Variants in SOD2 observed in about 807,000 individuals in gnomAD.
SOD2 encodes the protein superoxide dismutase 2.
A neutral mutation model predicts 27.0 loss-of-function variants in SOD2; 11 were observed. The ratio of observed to expected loss-of-function variants is 0.41; its 90% CI spans 0.26 to 0.67. SOD2 has a LOEUF of 0.67. Ranked by LOEUF, SOD2 falls within the 30% of genes least tolerant of loss-of-function variation. The pLI is 0.34. For synonymous variants in SOD2, 105 were observed against 103.0 expected (o/e 1.02, Z -0.12); for missense variants, 250 against 274.5 (o/e 0.91, Z 0.63).
Position 159,677,052 on chromosome 6 carries a change from A to G in SOD2, c.*5441T>C, listed in dbSNP as rs1338492068. 2 of 152,234 alleles carry G rather than the reference A, an allele frequency of 1.3e-5. No individual in the cohort carries two copies. Among genetic ancestry groups the G allele is most frequent in the Non-Finnish European group, 2.9e-5 (2 of 68,044 alleles). The allele number at this position is 152,234 out of a possible 1,614,324, so 9.4% of individuals were successfully genotyped here. On this transcript the variant is annotated 3_prime_UTR_variant, in exon 5 of 5. Transcript: ENST00000538183. Reference sequence around the variant, plus strand: ...CCTTGGGGATACCCATATTTACAATATGATAAATACATTAAGTCACATTGT... The same window carrying G: ...CCTTGGGGATACCCATATTTACAATGTGATAAATACATTAAGTCACATTGT...
chr6:159,702,134 G>T (rs1777532116), intron 1 of SOD2, among the ~76,000 whole-genome samples: 1 of 152,098 alleles, frequency 6.6e-6, no homozygotes, highest in East Asian at 1.9e-4. Flanking sequence ...ACATACTTTA[G>T]ATTACATTCT....
At chr6:159,690,368 G>A (rs899001014) in intron 2 of SOD2, among the ~76,000 whole-genome samples, 1 of 151,888 alleles carries the variant, frequency 6.6e-6, no homozygotes, top group African/African-American at 2.4e-5. Context: ...AGGCCGAGGT[G>A]CGTGGATAGG....
chr6:159,755,820 G>A (rs1190668812), intron 1 of SOD2: 3 of 756,994 alleles, frequency 4.0e-6, no homozygotes, highest in Non-Finnish European at 5.0e-6. Context: ...TTTGGAAATT[G>A]TAACAGTTAA....
intron 1 of SOD2, among the ~76,000 whole-genome samples, chr6:159,710,804 ACCGC>A (rs1256626485): frequency 6.6e-6 from 1 of 150,384 alleles, no homozygotes; most frequent in Non-Finnish European, 1.5e-5. Context: ...GACCTCCATA[ACCGC>A]CTCCACAACC....
At chr6:159,709,470 A>G (rs1777689180) in intron 1 of SOD2, among the ~76,000 whole-genome samples, 1 of 152,154 alleles carries the variant, frequency 6.6e-6, no homozygotes, top group Non-Finnish European at 1.5e-5. Flanking sequence ...ATGAACAGAC[A>G]CTCCCCAAAA....
At chr6:159,761,760 C>G (rs1007908269) in exon 1 of SOD2, 3 of 317,260 alleles carry the variant, frequency 9.5e-6, no homozygotes, top group Admixed American at 8.6e-5. Context: ...TCCAGAAACA[C>G]TGGGGTTTCA....
chr6:159,734,918 T>C (rs1778811680), intron 1 of SOD2, among the ~76,000 whole-genome samples: 1 of 152,116 alleles, frequency 6.6e-6, no homozygotes, highest in Non-Finnish European at 1.5e-5. Flanking sequence ...CTTTTTTTTG[T>C]GTGTGGATTT....
chr6:159,728,807 C>T (rs1226385095), upstream of SOD2, among the ~76,000 whole-genome samples: 1 of 152,160 alleles, frequency 6.6e-6, no homozygotes, highest in Non-Finnish European at 1.5e-5. Flanking sequence ...AGGTGTGTTT[C>T]TTACAGTGCT....
intron 1 of SOD2, among the ~76,000 whole-genome samples, chr6:159,722,662 T>C (rs890199756): frequency 5.3e-5 from 8 of 152,170 alleles, no homozygotes; most frequent in African/African-American, 1.9e-4. Context: ...AATTTATTTT[T>C]GAGAGACTGA....
intron 1 of SOD2, among the ~76,000 whole-genome samples, chr6:159,710,953 C>A (rs559589362): frequency 9.3e-6 from 1 of 107,552 alleles, no homozygotes; most frequent in African/African-American, 3.0e-5. Flanking sequence ...ACCACTCACA[C>A]TGCTCTGACC....
chr6:159,759,570 T>G (rs1780081617), intron 1 of SOD2, among the ~76,000 whole-genome samples: 1 of 151,074 alleles, frequency 6.6e-6, no homozygotes, highest in African/African-American at 2.4e-5. Context: ...CTCAGGACTC[T>G]GAGGCAGAAG....
At chr6:159,689,956 T>C (rs537595985) in intron 2 of SOD2, among the ~76,000 whole-genome samples, 2 of 145,610 alleles carry the variant, frequency 1.4e-5, no homozygotes, top group African/African-American at 5.1e-5. Context: ...CAATACTCCG[T>C]CACAGAAAAA....
chr6:159,725,352 A>G (rs1238542313), intron 1 of SOD2, among the ~76,000 whole-genome samples: 1 of 152,002 alleles, frequency 6.6e-6, no homozygotes, highest in Admixed American at 6.6e-5. Flanking sequence ...ATGGTGGCGC[A>G]TGCCTGTAAT....
chr6:159,744,445 T>C (rs1167426470), intron 1 of SOD2, among the ~76,000 whole-genome samples: 1 of 152,210 alleles, frequency 6.6e-6, no homozygotes, highest in Non-Finnish European at 1.5e-5. Flanking sequence ...TTGGTACATA[T>C]AGAAGTCTTC....
rs56389349 is a variant in SOD2 at position 159,739,824 on chromosome 6, C to CTTTTT, written c.-116+5301_-116+5305dup. 3.4e-4 allele frequency among the ~76,000 whole-genome samples: 29 copies of CTTTTT among 85,160 alleles called. 1 individual carries two copies. Among genetic ancestry groups the CTTTTT allele is most frequent in the Non-Finnish European group, 5.7e-4 (26 of 45,970 alleles). 55.9% of individuals were successfully genotyped at this position (85,160 alleles called of 152,430 possible). A position where few individuals can be genotyped will look rare whatever the true frequency, so the allele number is the denominator to read the frequency against. ...ACTGTATTATGAACACACTTTTTAC[C>CTTTTT]TTTTTTTTTTTTTTTTTTTTTTTTT... is the stretch of plus-strand genomic sequence containing the variant. On this transcript the variant is annotated intron_variant, in intron 1 of 3. Transcript: ENST00000537657.
chr6:159,727,629 G>T (rs1339411979), upstream of SOD2: 3 of 986,078 alleles, frequency 3.0e-6, no homozygotes, highest in Non-Finnish European at 3.6e-6. Flanking sequence ...GGCCCGGGGG[G>T]CCCGGGCGGC....
At chr6:159,730,459 C>G (rs934267196), upstream of SOD2, among the ~76,000 whole-genome samples, 1 of 151,838 alleles carries the variant, frequency 6.6e-6, no homozygotes, top group Non-Finnish European at 1.5e-5. Flanking sequence ...AAAAAATTGC[C>G]CTGGGGAATA....
At chr6:159,732,067 C>T (rs944065537), upstream of SOD2, among the ~76,000 whole-genome samples, 2 of 152,078 alleles carry the variant, frequency 1.3e-5, no homozygotes, top group Non-Finnish European at 2.9e-5. Flanking sequence ...AATTTGAACC[C>T]TGGTGTATGA....
chr6:159,714,906 C>G (rs530272520), intron 1 of SOD2, among the ~76,000 whole-genome samples: 2 of 152,184 alleles, frequency 1.3e-5, no homozygotes, highest in South Asian at 4.1e-4. Flanking sequence ...TTGATGTGTA[C>G]AGATTGCTGG....
Sources: gnomAD v4.1 joint callset for allele counts (sites outside exome capture counted in the v4.1 genomes callset) on GRCh38, gnomAD v4.1.1 for gene constraint, MANE v1.5 for transcripts, NCBI Gene and HGNC (gene_info 2026-07-23, HGNC 2026-07-21) for gene names.